The following PRIM2 variants were observed in gnomAD, a reference collection of about 807,000 sequenced individuals.
The protein encoded by PRIM2 is DNA primase large subunit.
A neutral mutation model predicts 67.3 loss-of-function variants in PRIM2; 39 were observed. The observed-to-expected ratio is 0.58, with a 90% CI of 0.45 to 0.76. PRIM2 has a LOEUF of 0.76. Among genes scored for constraint, PRIM2 ranks in the 30% least tolerant of loss-of-function variants. PRIM2 has a pLI of 0.00. For missense variants in PRIM2, 398 were observed against 598.7 expected, an observed-to-expected ratio of 0.66 and a Z score of 3.50; for synonymous variants, 143 against 198.7, an observed-to-expected ratio of 0.72 and a Z score of 2.36.
intron 7 of PRIM2, among the ~76,000 whole-genome samples, chr6:57,452,994 T>G (rs1481958348): frequency 6.6e-6 from 1 of 152,222 alleles, no homozygotes; most frequent in African/African-American, 2.4e-5. Flanking sequence ...AGTTTCAGCT[T>G]TCTACATATG....
chr6:57,602,006 G>T (rs1776476167), intron 11 of PRIM2, among the ~76,000 whole-genome samples: 2 of 151,562 alleles, frequency 1.3e-5, no homozygotes, highest in Non-Finnish European at 2.9e-5. Flanking sequence ...TGAAGAAGTG[G>T]CCAGCACTCG....
intron 5 of PRIM2, among the ~76,000 whole-genome samples, chr6:57,377,178 G>A (rs1427102039): frequency 6.6e-6 from 1 of 151,806 alleles, no homozygotes; most frequent in African/African-American, 2.4e-5. Context: ...GTGAGTCACC[G>A]CACCCTGCCG....
chr6:57,291,103 C>A, the PRIM2 span, among the ~76,000 whole-genome samples: 1 of 151,916 alleles, frequency 6.6e-6, no homozygotes. Flanking sequence ...AGACCACTAC[C>A]AAGACTAATA....
the PRIM2 span, among the ~76,000 whole-genome samples, chr6:57,304,845 T>G: frequency 6.6e-6 from 1 of 152,232 alleles, no homozygotes; most frequent in Admixed American, 6.5e-5. Flanking sequence ...ATAATTAACC[T>G]CGTAGGAAAA....
intron 5 of PRIM2, among the ~76,000 whole-genome samples, chr6:57,370,690 T>C (rs1435438295): frequency 6.9e-6 from 1 of 144,456 alleles, no homozygotes; most frequent in Non-Finnish European, 1.5e-5. Context: ...ATTCTATCTA[T>C]AGCTTTTTTT....
At position 57,605,432 on chromosome 6, in the gene PRIM2, A is replaced by G. The variant is rs1255955634; in HGVS notation, c.1148-943A>G. ...GCTTTTTCTGGTTGATAGGTTTTTT[A>G]TTCCAGATTCAATTTCAGACCTCAT... On this transcript the variant is annotated intron_variant, in intron 11 of 13. Coordinates refer to ENST00000615550, the MANE Select transcript of PRIM2 (RefSeq NM_000947.5). 2.6e-4 allele frequency among the ~76,000 whole-genome samples: 40 copies of G among 152,084 alleles called. 1 individual carries two copies. The Middle Eastern group carries it at 0.01, about 39-fold the overall frequency.
At chr6:57,587,682 AAAAAAAAAAAAAG>A (rs1776218016) in intron 10 of PRIM2, among the ~76,000 whole-genome samples, 1 of 150,278 alleles carries the variant, frequency 6.7e-6, no homozygotes, top group African/African-American at 2.4e-5. Flanking sequence ...AAAAAAAAAA[AAAAAAAAAAAAAG>A]GCAGAACACA....
At chr6:57,362,169 A>C (rs934544492) in intron 5 of PRIM2, among the ~76,000 whole-genome samples, 4 of 152,206 alleles carry the variant, frequency 2.6e-5, no homozygotes, top group African/African-American at 9.7e-5. Flanking sequence ...TATATATTTG[A>C]GCATCTTTTA....
chr6:57,617,304 A>G (rs1776773045), intron 12 of PRIM2, among the ~76,000 whole-genome samples: 1 of 152,154 alleles, frequency 6.6e-6, no homozygotes, highest in African/African-American at 2.4e-5. Flanking sequence ...CACCAGTAAT[A>G]TTGGATTAGG....
At chr6:57,638,238 C>T (rs1329660823) in intron 13 of PRIM2, among the ~76,000 whole-genome samples, 1 of 152,158 alleles carries the variant, frequency 6.6e-6, no homozygotes, top group Non-Finnish European at 1.5e-5. Flanking sequence ...CTTACAAGAG[C>T]TCCTAATGGA....
At chr6:57,515,788 T>C (rs1387705739) in intron 8 of PRIM2, among the ~76,000 whole-genome samples, 2 of 152,200 alleles carry the variant, frequency 1.3e-5, no homozygotes, top group Non-Finnish European at 2.9e-5. Context: ...ATTTAGTGGA[T>C]TAAAACAATC....
chr6:57,518,313 C>T (rs1443027467), intron 8 of PRIM2, among the ~76,000 whole-genome samples: 1 of 152,204 alleles, frequency 6.6e-6, no homozygotes, highest in African/African-American at 2.4e-5. Flanking sequence ...GAGGTGTGTC[C>T]TTAATCATCC....
At chr6:57,483,555 A>G (rs1423724277) in intron 7 of PRIM2, among the ~76,000 whole-genome samples, 1 of 152,162 alleles carries the variant, frequency 6.6e-6, no homozygotes, top group Non-Finnish European at 1.5e-5. Context: ...CCCAGAAGCT[A>G]GTATTTTTCA....
chr6:57,355,996 T>C (rs1272919684), intron 5 of PRIM2, among the ~76,000 whole-genome samples: 2 of 151,894 alleles, frequency 1.3e-5, no homozygotes, highest in East Asian at 3.9e-4. Context: ...TAACAGAAAA[T>C]GTTTGGGGTT....
At chr6:57,377,197 A>C (rs1248305127) in intron 5 of PRIM2, among the ~76,000 whole-genome samples, 5 of 152,116 alleles carry the variant, frequency 3.3e-5, no homozygotes, top group African/African-American at 1.2e-4. Flanking sequence ...CGGTTTTTCT[A>C]TATTTGAATC....
At chr6:57,522,111 G>A (rs1774638017) in intron 8 of PRIM2, among the ~76,000 whole-genome samples, 1 of 151,842 alleles carries the variant, frequency 6.6e-6, no homozygotes, top group African/African-American at 2.4e-5. Context: ...ATTCAAGATT[G>A]CTTCCCTAAT....
the PRIM2 span, among the ~76,000 whole-genome samples, chr6:57,239,877 T>C: frequency 6.6e-6 from 1 of 152,194 alleles, no homozygotes; most frequent in Non-Finnish European, 1.5e-5. Flanking sequence ...TTTGGGCTGC[T>C]TCAAATAACT....
Position 57,424,576 on chromosome 6 carries a change from CTT to C in PRIM2, c.693+42410_693+42411del, listed in dbSNP as rs1305883444. ...TCTTTGCAACAGCTTCATAAAAAGA[CTT>C]TATCAAATTTGGGAAACTCTTATAT... On this transcript the variant is annotated intron_variant, in intron 7 of 13. Coordinates refer to ENST00000615550, the MANE Select transcript of PRIM2 (RefSeq NM_000947.5). 1.6e-4 allele frequency among the ~76,000 whole-genome samples: 24 copies of C among 152,244 alleles called. 1 individual carries two copies. Among genetic ancestry groups the C allele is most frequent in the South Asian group, 1.0e-3 (5 of 4,824 alleles).
At chr6:57,269,168 C>G in the PRIM2 span, among the ~76,000 whole-genome samples, 1 of 151,834 alleles carries the variant, frequency 6.6e-6, no homozygotes, top group Non-Finnish European at 1.5e-5. Flanking sequence ...ATGGCTGGGT[C>G]AAATGGTATT....
Sources: allele counts gnomAD v4.1 joint callset (sites outside exome capture counted in the v4.1 genomes callset), GRCh38; gene constraint gnomAD v4.1.1; transcripts MANE v1.5; gene names NCBI Gene and HGNC (gene_info 2026-07-23, HGNC 2026-07-21).